ERBB4: variants seen among roughly 807,000 people sequenced by gnomAD.
ERBB4 encodes the protein receptor tyrosine-protein kinase erbB-4.
ERBB4 carries 42 observed loss-of-function variants against 158.0 expected under a neutral mutation model. That is an observed-to-expected ratio of 0.27 (90% CI 0.21 to 0.34). ERBB4 has a LOEUF of 0.34. ERBB4 is among the 10% of genes least tolerant of loss of function. The pLI is 1.00. For missense variants in ERBB4, 1,333 were observed against 1,624.1 expected, an observed-to-expected ratio of 0.82 and a Z score of 3.08; for synonymous variants, 583 against 558.7, an observed-to-expected ratio of 1.04 and a Z score of -0.61.
intron 1 of ERBB4, among the ~76,000 whole-genome samples, chr2:212,305,556 C>A (rs184722108): frequency 6.6e-6 from 1 of 150,400 alleles, no homozygotes; most frequent in African/African-American, 2.4e-5. Context: ...GGGAAACTAC[C>A]ATGAGATGAA....
At chr2:211,805,964 A>G (rs2076603088) in intron 3 of ERBB4, among the ~76,000 whole-genome samples, 3 of 151,898 alleles carry the variant, frequency 2.0e-5, no homozygotes, top group South Asian at 4.1e-4. Context: ...AAGAAGAGAA[A>G]AAAATAAAAG....
intron 1 of ERBB4, among the ~76,000 whole-genome samples, chr2:212,262,914 C>T (rs1361610702): frequency 1.3e-5 from 2 of 152,108 alleles, no homozygotes; most frequent in African/African-American, 4.8e-5. Flanking sequence ...CATTCATGTT[C>T]ATTTGCAGTT....
intron 1 of ERBB4, among the ~76,000 whole-genome samples, chr2:212,424,581 A>G (rs962375587): frequency 6.6e-6 from 1 of 152,190 alleles, no homozygotes; most frequent in African/African-American, 2.4e-5. Context: ...CATAGTATAT[A>G]TACTAAAACT....
chr2:211,628,787 CA>C (rs1194055165), intron 17 of ERBB4, among the ~76,000 whole-genome samples: 2 of 152,184 alleles, frequency 1.3e-5, no homozygotes, highest in Non-Finnish European at 2.9e-5. Flanking sequence ...GTCCCACCAA[CA>C]GTGTAAAAGT....
chr2:212,040,599 C>T (rs979366435), intron 2 of ERBB4, among the ~76,000 whole-genome samples: 1 of 152,098 alleles, frequency 6.6e-6, no homozygotes, highest in Non-Finnish European at 1.5e-5. Flanking sequence ...ATTTCTAACT[C>T]GTCTCTGCCA....
chr2:212,202,048 A>G (rs537103885), intron 1 of ERBB4, among the ~76,000 whole-genome samples: 1 of 152,310 alleles, frequency 6.6e-6, no homozygotes, highest in African/African-American at 2.4e-5. Flanking sequence ...CATTCATGAA[A>G]TGTTTGCTAA....
chr2:211,672,250 C>T (rs1468992030), intron 14 of ERBB4, among the ~76,000 whole-genome samples: 1 of 152,052 alleles, frequency 6.6e-6, no homozygotes, highest in African/African-American at 2.4e-5. Context: ...ATGTGAAGCT[C>T]TTGTCTACAT....
chr2:212,021,777 G>A (rs2076656320), intron 2 of ERBB4, among the ~76,000 whole-genome samples: 1 of 151,758 alleles, frequency 6.6e-6, no homozygotes. Flanking sequence ...TCATCAGAAT[G>A]AACAGACAAC....
chr2:212,410,504 T>C (rs577021037), intron 1 of ERBB4, among the ~76,000 whole-genome samples: 1 of 152,164 alleles, frequency 6.6e-6, no homozygotes, highest in South Asian at 2.1e-4. Context: ...TGGAAAATCC[T>C]GAACGGCATT....
chr2:212,242,575 G>A lies in ERBB4; in HGVS notation c.83-117672C>T, dbSNP rs961757445. The stretch of plus-strand genomic sequence containing the variant: ...TGAAAATGTAGCTTAATATTAAGCA[G>A]GGAAAAATAAGTGAAAGTGTATTGA... On this transcript the variant is annotated intron_variant, in intron 1 of 27. Coordinates refer to ENST00000342788, the MANE Select transcript of ERBB4 (RefSeq NM_005235.3). 7.2e-5 allele frequency among the ~76,000 whole-genome samples: 11 copies of A among 151,982 alleles called. 1 individual carries two copies. Among genetic ancestry groups the A allele is most frequent in the African/African-American group, 2.4e-4 (10 of 41,374 alleles).
At chr2:212,280,852 G>A (rs2085730676) in intron 1 of ERBB4, among the ~76,000 whole-genome samples, 1 of 151,568 alleles carries the variant, frequency 6.6e-6, no homozygotes, top group Non-Finnish European at 1.5e-5. Context: ...CTCACTCAAA[G>A]CTCTCATTTT....
At chr2:212,349,861 G>A (rs1418832802) in intron 1 of ERBB4, among the ~76,000 whole-genome samples, 1 of 151,954 alleles carries the variant, frequency 6.6e-6, no homozygotes, top group African/African-American at 2.4e-5. Flanking sequence ...AGCAATCCCA[G>A]CAAAATCAAG....
At chr2:211,613,693 C>T (rs1393653393) in intron 19 of ERBB4, among the ~76,000 whole-genome samples, 2 of 151,896 alleles carry the variant, frequency 1.3e-5, no homozygotes, top group African/African-American at 4.8e-5. Flanking sequence ...CATCAGAGAG[C>T]TGCAAATCAA....
chr2:211,762,902 T>C (rs2075450492), intron 4 of ERBB4, among the ~76,000 whole-genome samples: 1 of 152,226 alleles, frequency 6.6e-6, no homozygotes, highest in African/African-American at 2.4e-5. Flanking sequence ...ACTCCCACCA[T>C]CATTGTATCA....
chr2:212,378,837 T>C (rs2090412002), intron 1 of ERBB4, among the ~76,000 whole-genome samples: 1 of 151,844 alleles, frequency 6.6e-6, no homozygotes, highest in African/African-American at 2.4e-5. Flanking sequence ...CATGCAGTAG[T>C]AGGCATTGCC....
intron 1 of ERBB4, among the ~76,000 whole-genome samples, chr2:212,319,580 T>C (rs1450144371): frequency 1.3e-5 from 2 of 150,570 alleles, no homozygotes; most frequent in African/African-American, 4.8e-5. Context: ...TAATATATTA[T>C]GGCCAAATGG....
At chr2:211,646,872 A>G (rs2070797336) in intron 16 of ERBB4, among the ~76,000 whole-genome samples, 1 of 151,684 alleles carries the variant, frequency 6.6e-6, no homozygotes, top group Non-Finnish European at 1.5e-5. Context: ...CATGTAAAGC[A>G]ACACATTGCA....
intron 1 of ERBB4, among the ~76,000 whole-genome samples, chr2:212,191,729 TGTTATACATGTTACATATAACAC>T (rs1433421693): frequency 6.8e-6 from 1 of 146,930 alleles, no homozygotes; most frequent in African/African-American, 2.5e-5. Flanking sequence ...ATATAACACG[TGTTATACATGTTACATATAACAC>T]GTGTTATACA....
chr2:212,210,137 T>G (rs11691783), intron 1 of ERBB4, among the ~76,000 whole-genome samples: 111,760 of 149,904 alleles, frequency 0.75, 41,510 homozygotes, highest in South Asian at 0.85. Context: ...TAGATATGCA[T>G]AAAGTGATGA....
Sources: gnomAD v4.1 joint callset for allele counts (sites outside exome capture counted in the v4.1 genomes callset) on GRCh38, gnomAD v4.1.1 for gene constraint, MANE v1.5 for transcripts, NCBI Gene and HGNC (gene_info 2026-07-23, HGNC 2026-07-21) for gene names.